PDZRN3: variants seen among roughly 807,000 people sequenced by gnomAD.
PDZRN3 encodes the protein E3 ubiquitin-protein ligase PDZRN3.
PDZRN3 carries 38 observed loss-of-function variants against 85.7 expected under a neutral mutation model. That is an observed-to-expected ratio of 0.44 (90% CI 0.34 to 0.58). The LOEUF is 0.58. Among genes scored for constraint, PDZRN3 ranks in the 20% least tolerant of loss-of-function variants. The pLI, the probability that PDZRN3 is intolerant of heterozygous loss-of-function variation, is 0.01. For synonymous variants in PDZRN3, 759 were observed against 638.0 expected (o/e 1.19, Z -2.86); for missense variants, 1,629 against 1,506.4 (o/e 1.08, Z -1.35).
At chr3:73,594,634 T>C (rs914175011) in intron 3 of PDZRN3, among the ~76,000 whole-genome samples, 2 of 152,144 alleles carry the variant, frequency 1.3e-5, no homozygotes, top group Non-Finnish European at 2.9e-5. Context: ...CTGATTTAAA[T>C]CTAAATGGTT....
At chr3:73,554,231 G>A (rs1192127794) in intron 3 of PDZRN3, among the ~76,000 whole-genome samples, 4 of 152,176 alleles carry the variant, frequency 2.6e-5, no homozygotes, top group East Asian at 1.9e-4. Flanking sequence ...TTCAAATCCA[G>A]TATGCAGCTT....
chr3:73,604,720 T>C (rs1702568276), intron 2 of PDZRN3, among the ~76,000 whole-genome samples: 1 of 152,244 alleles, frequency 6.6e-6, no homozygotes, highest in Non-Finnish European at 1.5e-5. Flanking sequence ...TTAACCACTT[T>C]GCATTTCTTG....
At chr3:73,612,687 A>T (rs1005764459) in intron 1 of PDZRN3, among the ~76,000 whole-genome samples, 2 of 152,166 alleles carry the variant, frequency 1.3e-5, no homozygotes, top group Non-Finnish European at 2.9e-5. Context: ...GTCCCTTGAG[A>T]GAGATTCTCT....
At chr3:73,388,989 G>T (rs1701461282) in intron 7 of PDZRN3, among the ~76,000 whole-genome samples, 2 of 148,604 alleles carry the variant, frequency 1.3e-5, no homozygotes, top group South Asian at 4.3e-4. Flanking sequence ...GACCCTTCAG[G>T]TGTGAAGGTT....
intron 3 of PDZRN3, among the ~76,000 whole-genome samples, chr3:73,551,269 T>C (rs1701545969): frequency 6.6e-6 from 1 of 152,204 alleles, no homozygotes; most frequent in African/African-American, 2.4e-5. Context: ...AGCTTTGAAA[T>C]ACTTTGGTAT....
intron 3 of PDZRN3, chr3:73,556,652 A>T (rs73838564): frequency 2.0e-5 from 3 of 152,202 alleles, no homozygotes; most frequent in Non-Finnish European, 4.4e-5. Context: ...GGTAGGGACA[A>T]CCACCCAGTG....
chr3:73,531,593 C>T (rs891955202), intron 3 of PDZRN3, among the ~76,000 whole-genome samples: 1 of 152,156 alleles, frequency 6.6e-6, no homozygotes, highest in African/African-American at 2.4e-5. Flanking sequence ...GCTGCATTCT[C>T]AATCAAAGAG....
intron 3 of PDZRN3, among the ~76,000 whole-genome samples, chr3:73,419,099 T>C (rs985786500): frequency 1.3e-5 from 2 of 152,164 alleles, no homozygotes; most frequent in East Asian, 3.9e-4. Flanking sequence ...TAAGATGATT[T>C]ATTAGACATG....
chr3:73,548,636 G>A (rs1701484069), intron 3 of PDZRN3, among the ~76,000 whole-genome samples: 1 of 152,220 alleles, frequency 6.6e-6, no homozygotes, highest in Non-Finnish European at 1.5e-5. Flanking sequence ...TTAAGCTAAT[G>A]AATTATGAGG....
intron 5 of PDZRN3, among the ~76,000 whole-genome samples, chr3:73,395,897 G>C (rs909934512): frequency 1.2e-4 from 19 of 152,206 alleles, no homozygotes; most frequent in African/African-American, 4.3e-4. Flanking sequence ...AGCTCTTAGG[G>C]AGCTTGTATT....
chr3:73,533,362 A>G (rs1232869864), intron 3 of PDZRN3, among the ~76,000 whole-genome samples: 1 of 152,140 alleles, frequency 6.6e-6, no homozygotes, highest in Non-Finnish European at 1.5e-5. Flanking sequence ...CTTCCTCCCA[A>G]AACTTCTACC....
intron 3 of PDZRN3, among the ~76,000 whole-genome samples, chr3:73,544,974 T>C (rs1033295924): frequency 1.3e-5 from 2 of 151,658 alleles, no homozygotes; most frequent in African/African-American, 4.9e-5. Context: ...CACACATATA[T>C]ACAAATAACA....
chr3:73,424,656 A>T (rs1702275486), intron 3 of PDZRN3, among the ~76,000 whole-genome samples: 1 of 152,130 alleles, frequency 6.6e-6, no homozygotes, highest in African/African-American at 2.4e-5. Flanking sequence ...CAAATCCTAC[A>T]ACCAGGGAAG....
intron 3 of PDZRN3, chr3:73,408,124 C>T: frequency 1.4e-6 from 1 of 703,198 alleles, no homozygotes; most frequent in Non-Finnish European, 2.6e-6. Context: ...AGCCCCTCCA[C>T]AAGCCAGATG....
chr3:73,535,788 T>A (rs1704770087), intron 3 of PDZRN3, among the ~76,000 whole-genome samples: 1 of 152,184 alleles, frequency 6.6e-6, no homozygotes. Context: ...AATGTACACC[T>A]TGAAGGTGAT....
intron 5 of PDZRN3, among the ~76,000 whole-genome samples, chr3:73,396,196 G>A (rs1043877955): frequency 3.9e-5 from 6 of 152,002 alleles, no homozygotes; most frequent in Non-Finnish European, 8.8e-5. Flanking sequence ...CAGCCTGGAC[G>A]ACAGCAAGAC....
Position 73,384,513 on chromosome 3 carries a change from G to A in PDZRN3, c.2053C>T (p.Leu685=). 1 of 1,613,714 alleles carries A rather than the reference G, an allele frequency of 6.2e-7. No individual in the cohort carries two copies. Among genetic ancestry groups the A allele is most frequent in the Non-Finnish European group, 8.5e-7 (1 of 1,180,036 alleles). The change falls in exon 10 of 10, where the codon CTG becomes TTG. Residue 685 remains leucine (L), a synonymous_variant. Coordinates refer to ENST00000263666, the MANE Select transcript of PDZRN3 (RefSeq NM_015009.3). The part of the protein sequence containing the change: ...KSDPESVDKE[L]ELLNEELRSI... ...CGCAGCTCTTCGTTCAGCAGCTCCA[G>A]CTCCTTGTCCACGCTCTCAGGGTCA...
At chr3:73,413,693 C>T (rs925784790) in intron 3 of PDZRN3, among the ~76,000 whole-genome samples, 2 of 152,078 alleles carry the variant, frequency 1.3e-5, no homozygotes, top group Admixed American at 6.5e-5. Context: ...AGGTGTTCAC[C>T]GGTGACTGTA....
At chr3:73,437,045 CA>C (rs57755670) in intron 3 of PDZRN3, among the ~76,000 whole-genome samples, 1,973 of 72,678 alleles carry the variant, frequency 0.027, 24 homozygotes, top group East Asian at 0.057. Flanking sequence ...GACTCTGTCT[CA>C]AAAAAAAAAA....
Sources: allele counts gnomAD v4.1 joint callset (sites outside exome capture counted in the v4.1 genomes callset), GRCh38; gene constraint gnomAD v4.1.1; transcripts MANE v1.5; gene names NCBI Gene and HGNC (gene_info 2026-07-23, HGNC 2026-07-21).